The following CNBD2 variants were observed in gnomAD, a reference collection of about 807,000 sequenced individuals.
CNBD2 encodes cyclic nucleotide binding domain containing 2.
In CNBD2, 64 loss-of-function variants were observed where a neutral mutation model predicts 63.7. The observed-to-expected ratio is 1.00, with a 90% CI of 0.82 to 1.24. CNBD2 has a LOEUF of 1.24. Ranked by LOEUF, CNBD2 falls within the 50% of genes most tolerant of loss-of-function variation. The pLI is 0.00. For synonymous variants in CNBD2, 229 were observed against 255.4 expected, an observed-to-expected ratio of 0.90 and a Z score of 0.99; for missense variants, 691 against 713.5, an observed-to-expected ratio of 0.97 and a Z score of 0.36.
intron 2 of CNBD2, chr20:35,973,103 G>C (rs2056445882): frequency 9.0e-6 from 4 of 443,270 alleles, no homozygotes; most frequent in Non-Finnish European, 1.6e-5. Context: ...GAGAGGGAAG[G>C]AGACAATCAT....
intron 9 of CNBD2, among the ~76,000 whole-genome samples, 170 bp from the exon 10 acceptor site, chr20:36,010,967 C>T (rs2794373): frequency 0.03 from 4,589 of 152,168 alleles, 236 homozygotes; most frequent in African/African-American, 0.11. Context: ...CCCTCCAATT[C>T]CTGACAATGG....
intron 10 of CNBD2, among the ~76,000 whole-genome samples, chr20:36,020,335 C>T (rs2057191199): frequency 1.3e-5 from 2 of 152,146 alleles, no homozygotes; most frequent in South Asian, 4.1e-4. Flanking sequence ...CCCACCTCGG[C>T]CTCCCAAAGT....
intron 6 of CNBD2, among the ~76,000 whole-genome samples, 190 bp from the exon 7 acceptor site, chr20:35,987,205 G>C (rs894916194): frequency 7.2e-5 from 11 of 152,188 alleles, no homozygotes; most frequent in African/African-American, 2.7e-4. Context: ...CTTGGGAAAA[G>C]GAGGAGGGAG....
chr20:36,016,014 G>A (rs2057128115), intron 10 of CNBD2, among the ~76,000 whole-genome samples: 1 of 152,176 alleles, frequency 6.6e-6, no homozygotes, highest in African/African-American at 2.4e-5. Flanking sequence ...AACATCAACA[G>A]TAAAACATCA....
Position 35,995,159 on chromosome 20 carries a change from T to G in CNBD2, c.970+7T>G, listed in dbSNP as rs753700202. 1.4e-5 allele frequency: 22 copies of G among 1,600,854 alleles called. No individual in the cohort carries two copies. In the East Asian group the frequency reaches 1.8e-4, roughly 13 times the overall value. On this transcript the variant is annotated splice_region_variant and intron_variant, in intron 8 of 11. Transcript: ENST00000373973. ...CTGAAGACCCACCTGAGTGGTAAGC[T>G]GCCTTGGCCTGTCTGACAGCAGGGG... is the stretch of plus-strand genomic sequence containing the variant.
At chr20:35,991,817 G>C (rs2056749890) in intron 7 of CNBD2, among the ~76,000 whole-genome samples, 1 of 152,110 alleles carries the variant, frequency 6.6e-6, no homozygotes, top group Non-Finnish European at 1.5e-5. Flanking sequence ...GCAATCCAGT[G>C]CTTCTCAAAG....
chr20:35,994,028 C>T lies in CNBD2; in HGVS notation c.856-1010C>T, dbSNP rs113274062. Among the ~76,000 whole-genome samples, 283 of 149,716 alleles carry T rather than the reference C, an allele frequency of 1.9e-3. 1 individual carries two copies. Among genetic ancestry groups the T allele is most frequent in the South Asian group, 4.9e-3 (23 of 4,682 alleles). Reference sequence around the variant, plus strand: ...CTGAGTAGCTGGGATTACAGGCATGCGCCACCATGCCCGGCTAATTTTGTT... The same window carrying T: ...CTGAGTAGCTGGGATTACAGGCATGTGCCACCATGCCCGGCTAATTTTGTT... On this transcript the variant is annotated intron_variant, in intron 7 of 11. Transcript: ENST00000373973.
chr20:35,988,766 C>G (rs544858251), intron 7 of CNBD2, among the ~76,000 whole-genome samples: 1 of 152,200 alleles, frequency 6.6e-6, no homozygotes, highest in East Asian at 1.9e-4. Context: ...CCCACCTTAT[C>G]TAGTGTCCAG....
intron 10 of CNBD2, among the ~76,000 whole-genome samples, chr20:36,011,834 C>A (rs1018832960): frequency 2.6e-5 from 4 of 152,170 alleles, no homozygotes; most frequent in African/African-American, 9.7e-5. Flanking sequence ...GAGTCCATTG[C>A]TTTCCTTATA....
Position 36,006,331 on chromosome 20 carries a change from G to A in CNBD2, c.971-1966G>A, listed in dbSNP as rs536430753. On this transcript the variant is annotated intron_variant, in intron 8 of 11. Transcript: ENST00000373973. Reference sequence around the variant, plus strand: ...GCATGAGCCACCACACCCGGCTGGAGATCTCTTTTTTAATCAATGTTCTTG... The same window carrying A: ...GCATGAGCCACCACACCCGGCTGGAAATCTCTTTTTTAATCAATGTTCTTG... 3.9e-5 allele frequency among the ~76,000 whole-genome samples: 6 copies of A among 152,018 alleles called. No homozygotes were observed. In the East Asian group the frequency reaches 5.9e-4, roughly 15 times the overall value.
At position 35,987,498 on chromosome 20, in the gene CNBD2, T is replaced by C; in HGVS notation, c.820T>C (p.Phe274Leu). The part of the protein sequence containing the change: ...FSYGQLISKD[F>L]GESPFIMFIS... The stretch of plus-strand genomic sequence containing the variant: ...GTATGGGCAGCTGATCTCAAAAGAT[T>C]TTGGAGAGTCACCCTTCATCATGTT... Residue 274 changes from phenylalanine (F) to leucine (L), a missense_variant, in exon 7 of 12, where the codon TTT becomes CTT. By Grantham distance (22) the Phe-to-Leu change is conservative. Coordinates refer to ENST00000373973, the MANE Select transcript of CNBD2 (RefSeq NM_001365709.1). 4.3e-6 allele frequency: 7 copies of C among 1,614,100 alleles called. No individual in the cohort carries two copies. The highest frequency in any genetic ancestry group is 5.9e-6 in the Non-Finnish European group (7 of 1,180,010).
chr20:35,962,925 C>T (rs1025595650), intron 2 of CNBD2, among the ~76,000 whole-genome samples: 4 of 152,150 alleles, frequency 2.6e-5, no homozygotes, highest in Admixed American at 1.3e-4. Context: ...GGCTCTGGAA[C>T]GGTTGAAGAA....
intron 8 of CNBD2, among the ~76,000 whole-genome samples, chr20:36,001,768 G>A (rs2056911398): frequency 4.0e-5 from 6 of 150,842 alleles, no homozygotes; most frequent in Admixed American, 4.0e-4. Context: ...GGGGTGGCGG[G>A]GCAGAGGCGC....
rs1230527853 is a variant in CNBD2, at chr20:36,022,195, C to CTTTTTCTTTT, written c.1270-1402_1270-1401insCTTTTTTTTT. On this transcript the variant is annotated intron_variant, in intron 10 of 11. Transcript: ENST00000373973. The stretch of plus-strand genomic sequence containing the variant: ...ATGCCCGGCTAATTCTTTTTTTTTT[C>CTTTTTCTTTT]TTTTTTTTTTTTTTTTTTTTTTGAG... Among the ~76,000 whole-genome samples, 104 of 56,306 alleles carry CTTTTTCTTTT rather than the reference C, an allele frequency of 1.8e-3. 2 individuals are homozygous for CTTTTTCTTTT. The highest frequency in any genetic ancestry group is 7.9e-3 in the African/African-American group (101 of 12,736). 36.9% of individuals were successfully genotyped at this position (56,306 alleles called of 152,430 possible).
chr20:35,989,835 T>C (rs2056718251), intron 7 of CNBD2, among the ~76,000 whole-genome samples: 1 of 130,918 alleles, frequency 7.6e-6, no homozygotes, highest in African/African-American at 3.0e-5. Flanking sequence ...AGCAAGACCC[T>C]ATCTCTAAGA....
In CNBD2 at chr20:35,968,719, GA is replaced by G; in HGVS notation, c.-41del. 1 of 1,550,552 alleles carries G rather than the reference GA, an allele frequency of 6.4e-7. No homozygotes were observed. Among genetic ancestry groups the G allele is most frequent in the Non-Finnish European group, 8.8e-7 (1 of 1,135,702 alleles). ...GGGAAAAATTTGTAGTCCTCCCCTT[GA>G]AAGGCAAAGGGGCTAGTTGTGCCAT... On this transcript the variant is annotated 5_prime_UTR_variant, in exon 1 of 12. It removes the in-frame stop codon of an upstream open reading frame in the 5' UTR. Transcript: ENST00000373973.
chr20:36,028,127 C>T (rs1001389096), intron 11 of CNBD2, among the ~76,000 whole-genome samples: 7 of 152,098 alleles, frequency 4.6e-5, no homozygotes, highest in African/African-American at 1.7e-4. Flanking sequence ...AGGAAATGGC[C>T]ATGTAGACCT....
chr20:36,004,495 C>T (rs910278200), intron 8 of CNBD2, among the ~76,000 whole-genome samples: 1 of 152,068 alleles, frequency 6.6e-6, no homozygotes, highest in African/African-American at 2.4e-5. Context: ...CATGCTGGGG[C>T]AGTAGTAGGG....
At chr20:36,027,677 ATT>A (rs1199936284) in intron 11 of CNBD2, among the ~76,000 whole-genome samples, 13 of 141,492 alleles carry the variant, frequency 9.2e-5, no homozygotes, top group Admixed American at 7.1e-5. Context: ...ATCATTTGTA[ATT>A]TTTTTTTTTT....
Sources: gnomAD v4.1 joint callset for allele counts (sites outside exome capture counted in the v4.1 genomes callset) on GRCh38, gnomAD v4.1.1 for gene constraint, MANE v1.5 for transcripts, NCBI Gene and HGNC (gene_info 2026-07-23, HGNC 2026-07-21) for gene names.